ZNF484: variants seen among roughly 807,000 people sequenced by gnomAD.
ZNF484 encodes zinc finger protein 484, also known as KRAB box containing C2H2 type zinc finger bA526D8.4.
ZNF484 carries 11 observed loss-of-function variants against 12.9 expected under a neutral mutation model. That is an observed-to-expected ratio of 0.85 (90% CI 0.54 to 1.41). The LOEUF (loss-of-function observed/expected upper bound fraction) is 1.41, where lower values mean the gene tolerates loss of function less well. Ranked by LOEUF, ZNF484 falls within the 40% of genes most tolerant of loss-of-function variation. The probability of loss-of-function intolerance (pLI) is 0.00; values close to 1 mark genes in which losing one functional copy is unlikely to be tolerated. For synonymous variants in ZNF484, 289 were observed against 334.1 expected, an observed-to-expected ratio of 0.86 and a Z score of 1.47; for missense variants, 807 against 1,007.7, an observed-to-expected ratio of 0.80 and a Z score of 2.70.
chr9:92,849,359 T>C (rs1289226574), intron 4 of ZNF484, among the ~76,000 whole-genome samples: 1 of 151,950 alleles, frequency 6.6e-6, no homozygotes, highest in African/African-American at 2.4e-5. Flanking sequence ...TACATAAATA[T>C]ATAGGTATAA....
chr9:92,860,527 C>A (rs928255212), intron 2 of ZNF484, among the ~76,000 whole-genome samples: 1 of 150,872 alleles, frequency 6.6e-6, no homozygotes, highest in African/African-American at 2.4e-5. Context: ...TGGCGTGAAC[C>A]CGGGAGGCGG....
intron 1 of ZNF484, among the ~76,000 whole-genome samples, chr9:92,876,227 T>C (rs1023636880): frequency 6.6e-6 from 1 of 151,400 alleles, no homozygotes; most frequent in Non-Finnish European, 1.5e-5. Context: ...CCTAATAATC[T>C]CAGGAAAAAA....
chr9:92,862,026 G>T, intron 2 of ZNF484: 1 of 369,936 alleles, frequency 2.7e-6, no homozygotes, highest in Non-Finnish European at 3.7e-6. Context: ...AAAGGAAGTG[G>T]GACCATATTT....
Position 92,846,894 on chromosome 9 carries a change from T to G in ZNF484, c.1893A>C (p.Thr631=), listed in dbSNP as rs765134481. The change falls in exon 5 of 5, where the codon ACA becomes ACC. Residue 631 remains threonine (T), a synonymous_variant. Transcript: ENST00000375495. ...SQLHVHQQIH[T]GEKPYRCAEC... ...CAGCACACCTATAGGGTTTCTCTCC[T>G]GTGTGAATCTGCTGATGTACGTGGA... 5.0e-6 allele frequency: 8 copies of G among 1,613,884 alleles called. No homozygotes were observed. Among genetic ancestry groups the G allele is most frequent in the Non-Finnish European group, 5.9e-6 (7 of 1,180,014 alleles).
At chr9:92,872,490 C>CAA (rs537371475) in intron 2 of ZNF484, among the ~76,000 whole-genome samples, 6 of 47,482 alleles carry the variant, frequency 1.3e-4, no homozygotes, top group East Asian at 4.0e-4. Flanking sequence ...ATCTCTGCCT[C>CAA]AAAAAAAAAA....
chr9:92,865,860 G>A (rs542105579), intron 2 of ZNF484, among the ~76,000 whole-genome samples: 1 of 152,342 alleles, frequency 6.6e-6, no homozygotes, highest in Non-Finnish European at 1.5e-5. Flanking sequence ...AGTGAGCTGG[G>A]ATCACAGCAT....
At position 92,846,896 on chromosome 9, in the gene ZNF484, T is replaced by G; in HGVS notation, c.1891A>C (p.Thr631Pro). The change falls in exon 5 of 5, where the codon ACA becomes CCA. Residue 631 changes from threonine (T) to proline (P), a missense_variant. Physicochemically the swap from Thr to Pro is conservative, Grantham distance 38. Transcript: ENST00000375495. ...SQLHVHQQIH[T>P]GEKPYRCAEC... The stretch of plus-strand genomic sequence containing the variant: ...GCACACCTATAGGGTTTCTCTCCTG[T>G]GTGAATCTGCTGATGTACGTGGAGC... 6.2e-7 allele frequency: 1 copy of G among 1,614,112 alleles called. No individual in the cohort carries two copies. Among genetic ancestry groups the G allele is most frequent in the Non-Finnish European group, 8.5e-7 (1 of 1,180,040 alleles).
At chr9:92,877,724 A>C (rs138836175) in intron 1 of ZNF484, 166 bp downstream of exon 1, 87,821 of 1,480,162 alleles carry the variant, frequency 0.059, 3,074 homozygotes, top group South Asian at 0.11. Flanking sequence ...CCACCACCAG[A>C]GACCCCTCAG....
At chr9:92,866,095 T>C (rs1234735214) in intron 2 of ZNF484, among the ~76,000 whole-genome samples, 3 of 152,228 alleles carry the variant, frequency 2.0e-5, no homozygotes, top group Non-Finnish European at 4.4e-5. Context: ...TTTGTCTATA[T>C]AATGACACTT....
chr9:92,860,334 G>A (rs1447189214), intron 2 of ZNF484, among the ~76,000 whole-genome samples: 3 of 152,130 alleles, frequency 2.0e-5, no homozygotes, highest in Non-Finnish European at 2.9e-5. Context: ...CAGGCGCGGT[G>A]GCTCACGCCT....
At position 92,847,882 on chromosome 9, in the gene ZNF484, G is replaced by A. The variant is rs751186135; in HGVS notation, c.905C>T (p.Ala302Val). The change falls in exon 5 of 5, where the codon GCA becomes GTA. Residue 302 changes from alanine (A) to valine (V), a missense_variant. Transcript: ENST00000375495. ...SQLDGSQRVY[A>V]GICTEYEKDF... ...CTTCTCATATTCAGTGCATATTCCT[G>A]CATAAACCCTCTGACTGCCATCAAG... is the stretch of plus-strand genomic sequence containing the variant. 9.3e-6 allele frequency: 15 copies of A among 1,614,040 alleles called. No homozygotes were observed. The South Asian group carries it at 1.4e-4, about 15-fold the overall frequency.
Position 92,856,238 on chromosome 9 carries a change from C to T in ZNF484, c.96G>A (p.Leu32=), listed in dbSNP as rs1474835610. ...WQQLDLAQKS[L]YREVMLENYF... ...AGTTTTCCAGCATCACTTCTCTGTA[C>T]AGGCTTTTCTGAGCAAGGTCTAATT... The change falls in exon 3 of 5, where the codon CTG becomes CTA. Residue 32 remains leucine, a synonymous_variant. Transcript: ENST00000375495. 4 of 1,613,640 alleles carry T rather than the reference C, an allele frequency of 2.5e-6. No homozygotes were observed. The Admixed American group carries it at 5.0e-5, about 20-fold the overall frequency.
chr9:92,864,132 C>T (rs1308960168), intron 2 of ZNF484, among the ~76,000 whole-genome samples: 1 of 152,128 alleles, frequency 6.6e-6, no homozygotes, highest in Non-Finnish European at 1.5e-5. Context: ...TAGTTGTCTT[C>T]CAACATTCAC....
chr9:92,845,965 G>T lies in ZNF484; in HGVS notation c.*263C>A, dbSNP rs569986237. ...ATCATACTACTCATTATGAATTTTT[G>T]CGGGTCAATATTGAATAGTTGTGGT... is the stretch of plus-strand genomic sequence containing the variant. On this transcript the variant is annotated 3_prime_UTR_variant, in exon 5 of 5. Transcript: ENST00000375495. This position sits in a 1 kb window ranked among gnomAD's most constrained non-coding sequence, Gnocchi z 4.0. The T allele has an allele frequency of 1.6e-3, 691 of 436,256 alleles. 4 individuals carry two copies. Among genetic ancestry groups the T allele is most frequent in the African/African-American group, 0.012 (589 of 50,008 alleles). The allele number at this position is 436,256 out of a possible 1,614,324, so 27.0% of individuals were successfully genotyped here.
intron 1 of ZNF484, among the ~76,000 whole-genome samples, chr9:92,875,815 T>C (rs1170439354): frequency 6.6e-6 from 1 of 151,768 alleles, no homozygotes; most frequent in Non-Finnish European, 1.5e-5. Context: ...GGGGAAATTC[T>C]TGCATGTATA....
intron 4 of ZNF484, among the ~76,000 whole-genome samples, chr9:92,849,503 C>T (rs993478192): frequency 4.6e-5 from 7 of 150,892 alleles, no homozygotes; most frequent in East Asian, 2.0e-4. Context: ...AACTTTATCA[C>T]GGCCCGGTGT....
At position 92,848,941 on chromosome 9, in the gene ZNF484, AT is replaced by A. The variant is rs1855883822; in HGVS notation, c.236-391del. On this transcript the variant is annotated intron_variant, in intron 4 of 4. Transcript: ENST00000375495. This position sits in a 1 kb window ranked among gnomAD's most constrained non-coding sequence, Gnocchi z 4.1. ...AATAAATAAATAAATAAATAAATAAATAAATAAATAAATAAAAATACAATAG... is the reference window on the plus strand; with the variant it reads ...AATAAATAAATAAATAAATAAATAAAAAATAAATAAATAAAAATACAATAG... Among the ~76,000 whole-genome samples, 1 of 150,850 alleles carries A rather than the reference AT, an allele frequency of 6.6e-6. No homozygotes were observed. The highest frequency in any genetic ancestry group is 1.5e-5 in the Non-Finnish European group (1 of 67,766).
chr9:92,874,872 A>C (rs1857698851), intron 2 of ZNF484, 143 bp downstream of exon 2: 1 of 771,596 alleles, frequency 1.3e-6, no homozygotes, highest in Admixed American at 3.0e-5. Context: ...CTTGGGGCTG[A>C]CAGTCTCTTC....
Position 92,846,662 on chromosome 9 carries a change from T to C in ZNF484, c.2125A>G (p.Met709Val), listed in dbSNP as rs200959351. The change falls in exon 5 of 5, where the codon ATG (methionine) becomes GTG (valine). Residue 709 changes from methionine to valine, a missense_variant. Met to Val is a conservative substitution (Grantham distance 21). Transcript: ENST00000375495. The part of the protein sequence containing the change: ...KAFARKSTLI[M>V]HQRIHTGEKP... ...TCTCCTGTATGAATTCTCTGATGCATAATTAGTGTTGATTTTCTTGCAAAG... is the reference window on the plus strand; with the variant it reads ...TCTCCTGTATGAATTCTCTGATGCACAATTAGTGTTGATTTTCTTGCAAAG... The C allele has an allele frequency of 1.9e-5, 31 of 1,613,882 alleles. No homozygotes were observed. In the Admixed American group the frequency reaches 5.2e-4, roughly 27 times the overall value.
Sources: allele counts gnomAD v4.1 joint callset (sites outside exome capture counted in the v4.1 genomes callset), GRCh38; gene constraint gnomAD v4.1.1; non-coding constraint Gnocchi (gnomAD v3.1); transcripts MANE v1.5; gene names NCBI Gene and HGNC (gene_info 2026-07-23, HGNC 2026-07-21).